AASDHPPT: variants seen among roughly 807,000 people sequenced by gnomAD.
AASDHPPT encodes aminoadipate-semialdehyde dehydrogenase-phosphopantetheinyl transferase.
AASDHPPT carries 23 observed loss-of-function variants against 36.4 expected under a neutral mutation model. The ratio of observed to expected loss-of-function variants is 0.63; its 90% CI spans 0.45 to 0.89. AASDHPPT has a LOEUF of 0.89. Ranked by LOEUF, AASDHPPT falls within the 40% of genes least tolerant of loss-of-function variation. The pLI, the probability that AASDHPPT is intolerant of heterozygous loss-of-function variation, is 0.00. For missense variants in AASDHPPT, 377 were observed against 378.2 expected (o/e 1.00, Z 0.03); for synonymous variants, 115 against 128.0 (o/e 0.90, Z 0.68).
chr11:106,087,631 C>A (rs950513648), intron 2 of AASDHPPT, among the ~76,000 whole-genome samples: 33 of 152,220 alleles, frequency 2.2e-4, no homozygotes, highest in Admixed American at 1.9e-3. Context: ...CCCTGAGGTT[C>A]TGGATTTTTT....
At chr11:106,080,751 A>G (rs1057457676) in intron 2 of AASDHPPT, among the ~76,000 whole-genome samples, 67 of 152,256 alleles carry the variant, frequency 4.4e-4, no homozygotes, top group African/African-American at 1.0e-3. Context: ...TAGTAAAACT[A>G]TCTAATCTCC....
At chr11:106,090,745 A>AG (rs1292700380) in intron 3 of AASDHPPT, 67 bp downstream of exon 3, 1 of 1,538,524 alleles carries the variant, frequency 6.5e-7, no homozygotes, top group African/African-American at 1.4e-5. Flanking sequence ...TTAAAATCAG[A>AG]GTCCTTGGTT....
chr11:106,091,193 A>C, intron 3 of AASDHPPT, 123 bp from the exon 4 acceptor site: 1 of 760,984 alleles, frequency 1.3e-6, no homozygotes. Context: ...TTTTTTAAAA[A>C]GGTTATAGCT....
intron 2 of AASDHPPT, among the ~76,000 whole-genome samples, chr11:106,081,089 A>G (rs1164556363): frequency 6.6e-6 from 1 of 152,204 alleles, no homozygotes; most frequent in Admixed American, 6.5e-5. Context: ...TCACTATCAC[A>G]TCTCTTAGTA....
chr11:106,092,887 G>A (rs1170706523), intron 4 of AASDHPPT: 4 of 152,122 alleles, frequency 2.6e-5, no homozygotes, highest in Admixed American at 2.0e-4. Flanking sequence ...CACATTTAAG[G>A]TAGGCTATGC....
At chr11:106,090,470 G>T (rs1861243890) in intron 2 of AASDHPPT, 87 bp from the exon 3 acceptor site, 2 of 1,016,572 alleles carry the variant, frequency 2.0e-6, no homozygotes, top group African/African-American at 1.7e-5. Context: ...ATCTTTGGGG[G>T]GTGCTGTCTT....
At chr11:106,086,091 A>G (rs1184559251) in intron 2 of AASDHPPT, 3 of 152,238 alleles carry the variant, frequency 2.0e-5, no homozygotes, top group South Asian at 2.1e-4. Flanking sequence ...TATAATTTAA[A>G]TTGTATCCAT....
intron 2 of AASDHPPT, among the ~76,000 whole-genome samples, chr11:106,081,870 G>C (rs1218468905): frequency 6.6e-6 from 1 of 152,080 alleles, no homozygotes; most frequent in African/African-American, 2.4e-5. Flanking sequence ...GGTGGGGGAA[G>C]GGGGGAGGGA....
At position 106,079,399 on chromosome 11, in the gene AASDHPPT, A is replaced by G. The variant is rs1411732644; in HGVS notation, c.184-68A>G. The G allele has an allele frequency of 1.5e-5, 20 of 1,337,952 alleles. No individual in the cohort carries two copies. The East Asian group carries it at 1.8e-4, about 12-fold the overall frequency. 82.9% of individuals were successfully genotyped at this position (1,337,952 alleles called of 1,614,324 possible). A position where few individuals can be genotyped will look rare whatever the true frequency, so the allele number is the denominator to read the frequency against. On this transcript the variant is annotated intron_variant, in intron 1 of 5. Transcript: ENST00000278618. ...ATTTTAGAAACCAAAAAAAAGTACT[A>G]TTGCATACAGTGTGCTTGTATCTTT...
At chr11:106,078,942 A>G (rs1861099540) in intron 1 of AASDHPPT, among the ~76,000 whole-genome samples, 1 of 152,206 alleles carries the variant, frequency 6.6e-6, no homozygotes, top group South Asian at 2.1e-4. Flanking sequence ...ACATATGCAC[A>G]GATGTAGGTA....
Position 106,090,584 on chromosome 11 carries a change from A to T in AASDHPPT, c.437A>T (p.His146Leu), listed in dbSNP as rs781589818. 6.3e-7 allele frequency: 1 copy of T among 1,594,850 alleles called. No homozygotes were observed. The highest frequency in any genetic ancestry group is 8.5e-7 in the Non-Finnish European group (1 of 1,173,888). ...CGTGGTTCAATTCCAGAATTCTTTCATATTATGAAAAGAAAGTTTACCAAC... is the reference window on the plus strand; with the variant it reads ...CGTGGTTCAATTCCAGAATTCTTTCTTATTATGAAAAGAAAGTTTACCAAC... The part of the protein sequence containing the change: ...PGRGSIPEFF[H>L]IMKRKFTNKE... The change falls in exon 3 of 6, where the codon CAT becomes CTT. Residue 146 changes from histidine (H) to leucine (L), a missense_variant. Coordinates refer to ENST00000278618, the MANE Select transcript of AASDHPPT (RefSeq NM_015423.3).
Position 106,091,409 on chromosome 11 carries a change from A to G in AASDHPPT, c.625A>G (p.Ile209Val), listed in dbSNP as rs770986746. 4.3e-6 allele frequency: 7 copies of G among 1,609,626 alleles called. No individual in the cohort carries two copies. The highest frequency in any genetic ancestry group is 2.7e-5 in the African/African-American group (2 of 74,508). The change falls in exon 4 of 6, where the codon ATA becomes GTA. Residue 209 changes from isoleucine (I) to valine (V), a missense_variant. Ile to Val is a conservative substitution (Grantham distance 29). Coordinates refer to ENST00000278618, the MANE Select transcript of AASDHPPT (RefSeq NM_015423.3). ...EFDLSPLNLD[I>V]GQVYKETRLF... is the part of the protein sequence containing the mutation. ...TGATCTATCTCCATTAAACTTGGAT[A>G]TAGGCCAAGTTTATAAAGAAACACG...
In AASDHPPT at chr11:106,079,497, G is replaced by T. The variant is rs182179695; in HGVS notation, c.214G>T (p.Ala72Ser). 2.5e-6 allele frequency: 4 copies of T among 1,612,658 alleles called. No individual in the cohort carries two copies. The East Asian group carries it at 8.9e-5, about 36-fold the overall frequency. The change falls in exon 2 of 6, where the codon GCA (alanine) becomes TCA (serine). Residue 72 changes from alanine to serine, a missense_variant. Coordinates refer to ENST00000278618, the MANE Select transcript of AASDHPPT (RefSeq NM_015423.3). ...TCGTCTGATGATAAGGAAATTAGTT[G>T]CAGAGAAATTGAATATCCCTTGGAA... ...AGRLMIRKLVAEKLNIPWNHI... is the reference protein window; with the variant it reads ...AGRLMIRKLVSEKLNIPWNHI...
In AASDHPPT at chr11:106,095,945, G is replaced by C. The variant is rs146339549; in HGVS notation, c.766-798G>C. On this transcript the variant is annotated intron_variant, in intron 5 of 5. Coordinates refer to ENST00000278618, the MANE Select transcript of AASDHPPT (RefSeq NM_015423.3). Reference sequence around the variant, plus strand: ...CATTTCCCTGGACAGAGCCTGTTTAGGCAACAGTGGCATGTTGGGAAGACT... The same window carrying C: ...CATTTCCCTGGACAGAGCCTGTTTACGCAACAGTGGCATGTTGGGAAGACT... 3.1e-3 allele frequency: 467 copies of C among 152,266 alleles called. 2 individuals are homozygous for C. The highest frequency in any genetic ancestry group is 0.01 in the African/African-American group (436 of 41,556). 9.4% of individuals were successfully genotyped at this position (152,266 alleles called of 1,614,324 possible).
In AASDHPPT at chr11:106,097,712, C is replaced by T. The variant is rs1861331215; in HGVS notation, c.*805C>T. On this transcript the variant is annotated 3_prime_UTR_variant, in exon 6 of 6. Coordinates refer to ENST00000278618, the MANE Select transcript of AASDHPPT (RefSeq NM_015423.3). ...TGAGGAAGATTTTTAACAAAAGCCT[C>T]CAGAAGATTTCCCCTCAGTTTCCAT... The T allele has an allele frequency of 6.6e-6, 1 of 152,108 alleles. No individual in the cohort carries two copies. The highest frequency in any genetic ancestry group is 6.5e-5 in the Admixed American group (1 of 15,270). The allele number at this position is 152,108 out of a possible 1,614,324, so 9.4% of individuals were successfully genotyped here.
rs1424213429 is a variant in AASDHPPT at position 106,082,832 on chromosome 11, AT to A, written c.409+3146del. ...TGGTTGGTTTTCCCTTTGTTTTCTA[AT>A]TTTTTCTACCATTAAAAGTGTTTGA... On this transcript the variant is annotated intron_variant, in intron 2 of 5. Coordinates refer to ENST00000278618, the MANE Select transcript of AASDHPPT (RefSeq NM_015423.3). Among the ~76,000 whole-genome samples, 20 of 152,048 alleles carry A rather than the reference AT, an allele frequency of 1.3e-4. No individual in the cohort carries two copies. The East Asian group carries it at 3.7e-3, about 28-fold the overall frequency.
intron 1 of AASDHPPT, 108 bp from the exon 2 acceptor site, chr11:106,079,350 TTTTGAAAAG>T: frequency 4.8e-6 from 4 of 834,436 alleles, no homozygotes; most frequent in Admixed American, 6.3e-5. Flanking sequence ...TACTTAAGTA[TTTTGAAAAG>T]TTTTAAAAAT....
intron 2 of AASDHPPT, among the ~76,000 whole-genome samples, chr11:106,082,105 C>T (rs1861149332): frequency 6.6e-6 from 1 of 152,098 alleles, no homozygotes; most frequent in African/African-American, 2.4e-5. Flanking sequence ...AGACCTCCCC[C>T]CACCAGTTTT....
chr11:106,085,715 C>T, intron 2 of AASDHPPT, among the ~76,000 whole-genome samples: 1 of 152,214 alleles, frequency 6.6e-6, no homozygotes, highest in Non-Finnish European at 1.5e-5. Context: ...ACAACAACCT[C>T]AGAGCTAATA....
Sources: allele counts gnomAD v4.1 joint callset (sites outside exome capture counted in the v4.1 genomes callset), GRCh38; gene constraint gnomAD v4.1.1; transcripts MANE v1.5; gene names NCBI Gene and HGNC (gene_info 2026-07-23, HGNC 2026-07-21).